The following FOXRED1 variants were observed in gnomAD, a reference collection of about 807,000 sequenced individuals.
FOXRED1 encodes the protein FAD dependent oxidoreductase domain containing 1, also known as FAD-dependent oxidoreductase domain-containing protein 1.
In FOXRED1, 52 loss-of-function variants were observed where a neutral mutation model predicts 57.8. That is an observed-to-expected ratio of 0.90 (90% CI 0.72 to 1.13). FOXRED1 has a LOEUF of 1.13. FOXRED1 is among the 50% of genes most tolerant of loss of function. FOXRED1 has a pLI of 0.00. For synonymous variants in FOXRED1, 271 were observed against 248.3 expected, an observed-to-expected ratio of 1.09 and a Z score of -0.86; for missense variants, 589 against 625.2, an observed-to-expected ratio of 0.94 and a Z score of 0.62.
In FOXRED1 at chr11:126,273,142, C is replaced by A; in HGVS notation, c.417+63C>A. The A allele has an allele frequency of 9.4e-7, 1 of 1,068,658 alleles. No individual in the cohort carries two copies. Among genetic ancestry groups the A allele is most frequent in the Non-Finnish European group, 1.5e-6 (1 of 681,568 alleles). 66.2% of individuals were successfully genotyped at this position (1,068,658 alleles called of 1,614,324 possible). A position where few individuals can be genotyped will look rare whatever the true frequency, so the allele number is the denominator to read the frequency against. On this transcript the variant is annotated intron_variant, in intron 3 of 10. Coordinates refer to ENST00000263578, the MANE Select transcript of FOXRED1 (RefSeq NM_017547.4). This position sits in a 1 kb window ranked among gnomAD's most constrained non-coding sequence, Gnocchi z 5.9. Reference sequence around the variant, plus strand: ...CCCTCCTTTAGCCCAGAGTGGGGAGCAGCCCAGCTAGCAAGGTAGCCAGAG... The same window carrying A: ...CCCTCCTTTAGCCCAGAGTGGGGAGAAGCCCAGCTAGCAAGGTAGCCAGAG...
rs191466930 is a variant in FOXRED1 at position 126,274,456 on chromosome 11, C to T, written c.537-471C>T. On this transcript the variant is annotated intron_variant, in intron 4 of 10. Transcript: ENST00000263578. The surrounding 1 kb of genome is among the most constrained non-coding windows in gnomAD (Gnocchi z 4.8). ...CTGAGGTCAGGAGTTCGAGACCAGC[C>T]TGGCCAACTGGTGAAACCTCATCTC... 2.0e-3 allele frequency: 419 copies of T among 212,122 alleles called. No individual in the cohort carries two copies. Among genetic ancestry groups the T allele is most frequent in the East Asian group, 2.4e-3 (22 of 9,000 alleles). The allele number at this position is 212,122 out of a possible 1,614,324, so 13.1% of individuals were successfully genotyped here. A position where few individuals can be genotyped will look rare whatever the true frequency, so the allele number is the denominator to read the frequency against.
chr11:126,271,827 T>G lies in FOXRED1; in HGVS notation c.306+170T>G. The G allele has an allele frequency of 1.5e-6, 1 of 661,956 alleles. No individual in the cohort carries two copies. The highest frequency in any genetic ancestry group is 2.7e-6 in the Non-Finnish European group (1 of 364,966). The allele number at this position is 661,956 out of a possible 1,614,324, so 41.0% of individuals were successfully genotyped here. On this transcript the variant is annotated intron_variant, in intron 2 of 10. Coordinates refer to ENST00000263578, the MANE Select transcript of FOXRED1 (RefSeq NM_017547.4). The surrounding 1 kb of genome is among the most constrained non-coding windows in gnomAD (Gnocchi z 5.3). ...TTGAGAAATTTTCCTAGGATCTTCC[T>G]CAGTCGAACCAGGAAGCTTGGCAAT... is the stretch of plus-strand genomic sequence containing the variant.
chr11:126,272,888 T>C lies in FOXRED1; in HGVS notation c.307-81T>C. On this transcript the variant is annotated intron_variant, in intron 2 of 10. Transcript: ENST00000263578. The surrounding 1 kb of genome is among the most constrained non-coding windows in gnomAD (Gnocchi z 4.6). ...GGACTCCCCTTCAACTTTAGGTGTA[T>C]AGCTCGAAGCTTTCATTGCAGTATT... 1.2e-6 allele frequency: 1 copy of C among 801,132 alleles called. No individual in the cohort carries two copies. Among genetic ancestry groups the C allele is most frequent in the Non-Finnish European group, 2.3e-6 (1 of 440,550 alleles). The allele number at this position is 801,132 out of a possible 1,614,324, so 49.6% of individuals were successfully genotyped here.
Position 126,277,245 on chromosome 11 carries a change from T to C in FOXRED1, c.1206+70T>C. ...ATGGGACAGATGACAGTGGAGCACA[T>C]TGGTCCCCTCGGACCCGTGACTGCC... is the stretch of plus-strand genomic sequence containing the variant. On this transcript the variant is annotated intron_variant, in intron 10 of 10. Transcript: ENST00000263578. The surrounding 1 kb of genome is among the most constrained non-coding windows in gnomAD (Gnocchi z 6.8). 2.4e-6 allele frequency: 3 copies of C among 1,231,028 alleles called. No homozygotes were observed. Among genetic ancestry groups the C allele is most frequent in the Non-Finnish European group, 3.6e-6 (3 of 832,928 alleles). The allele number at this position is 1,231,028 out of a possible 1,614,324, so 76.3% of individuals were successfully genotyped here.
chr11:126,272,271 C>A lies in FOXRED1; in HGVS notation c.306+614C>A, dbSNP rs1951012148. Among the ~76,000 whole-genome samples the A allele has an allele frequency of 1.3e-5, 2 of 151,532 alleles. No homozygotes were observed. Among genetic ancestry groups the A allele is most frequent in the Non-Finnish European group, 2.9e-5 (2 of 67,888 alleles). ...GCCACCATTCCCAGCCCTCAACTTG[C>A]TTCTTTTGGGTCCCGTTACTTCTGA... On this transcript the variant is annotated intron_variant, in intron 2 of 10. Transcript: ENST00000263578. This position sits in a 1 kb window ranked among gnomAD's most constrained non-coding sequence, Gnocchi z 4.6.
At chr11:126,276,891 G>C in intron 9 of FOXRED1, 180 bp from the exon 10 acceptor site, 1 of 568,144 alleles carries the variant, frequency 1.8e-6, no homozygotes, top group South Asian at 1.9e-5. Flanking sequence ...AAAAAAAAAA[G>C]AAAAAGAATC....
chr11:126,273,105 TG>T lies in FOXRED1; in HGVS notation c.417+30del. The T allele has an allele frequency of 7.5e-7, 1 of 1,326,420 alleles. No homozygotes were observed. The highest frequency in any genetic ancestry group is 1.1e-6 in the Non-Finnish European group (1 of 917,174). The allele number at this position is 1,326,420 out of a possible 1,614,324, so 82.2% of individuals were successfully genotyped here. On this transcript the variant is annotated intron_variant, in intron 3 of 10. Coordinates refer to ENST00000263578, the MANE Select transcript of FOXRED1 (RefSeq NM_017547.4). This position sits in a 1 kb window ranked among gnomAD's most constrained non-coding sequence, Gnocchi z 5.9. ...GTAGGTGCAATGATATCCGGGATGT[TG>T]GGGTGGTTACCCCTCCTTTAGCCCA... is the stretch of plus-strand genomic sequence containing the variant.
In FOXRED1 at chr11:126,271,556, G is replaced by A. The variant is rs200432010; in HGVS notation, c.205G>A (p.Val69Met). ...TCCCGAGCACTCGGATGTGGTGATC[G>A]TGGGAGGTGGGGTGCTTGGCTTGTC... ...LPPEHSDVVIVGGGVLGLSVA... is the reference protein window; with the variant it reads ...LPPEHSDVVIMGGGVLGLSVA... Residue 69 changes from valine (V) to methionine (M), a missense_variant, in exon 2 of 11, where the codon GTG becomes ATG. Physicochemically the swap from Val to Met is conservative, Grantham distance 21 (BLOSUM62 1). Transcript: ENST00000263578. The surrounding 1 kb of genome is among the most constrained non-coding windows in gnomAD (Gnocchi z 5.3). 8.4e-5 allele frequency: 136 copies of A among 1,614,104 alleles called. No homozygotes were observed. The highest frequency in any genetic ancestry group is 3.3e-5 in the Non-Finnish European group (39 of 1,180,054).
In FOXRED1 at chr11:126,272,340, C is replaced by A; in HGVS notation, c.307-629C>A. ...GTATTTATTTATTTCGAGACAGGGTCTCGCTCTGTTGCCCAGGCTGGAGTA... is the reference window on the plus strand; with the variant it reads ...GTATTTATTTATTTCGAGACAGGGTATCGCTCTGTTGCCCAGGCTGGAGTA... On this transcript the variant is annotated intron_variant, in intron 2 of 10. Transcript: ENST00000263578. This position sits in a 1 kb window ranked among gnomAD's most constrained non-coding sequence, Gnocchi z 4.6. 5.9e-6 allele frequency: 1 copy of A among 169,102 alleles called. No individual in the cohort carries two copies. The highest frequency in any genetic ancestry group is 1.3e-5 in the Non-Finnish European group (1 of 77,944). 10.5% of individuals were successfully genotyped at this position (169,102 alleles called of 1,614,324 possible).
In FOXRED1 at chr11:126,271,424, C is replaced by G; in HGVS notation, c.86-13C>G. On this transcript the variant is annotated splice_polypyrimidine_tract_variant and intron_variant, in intron 1 of 10. Coordinates refer to ENST00000263578, the MANE Select transcript of FOXRED1 (RefSeq NM_017547.4). This position sits in a 1 kb window ranked among gnomAD's most constrained non-coding sequence, Gnocchi z 5.3. The stretch of plus-strand genomic sequence containing the variant: ...GAAATGTTTGGCCCTCTGACCCTAA[C>G]TACATCCCACAGACTGGGATGGAAA... The G allele has an allele frequency of 6.3e-7, 1 of 1,595,390 alleles. No individual in the cohort carries two copies. Among genetic ancestry groups the G allele is most frequent in the Non-Finnish European group, 8.6e-7 (1 of 1,162,924 alleles).
intron 1 of FOXRED1, among the ~76,000 whole-genome samples, chr11:126,270,193 T>C (rs546084339): frequency 6.6e-6 from 1 of 152,280 alleles, no homozygotes; most frequent in African/African-American, 2.4e-5. Context: ...TGCAAGGAAC[T>C]GGCAAAAGCC....
chr11:126,275,656 T>C lies in FOXRED1; in HGVS notation c.734-138T>C, dbSNP rs1951108530. Reference sequence around the variant, plus strand: ...AGAGTGTGGCCAAGCTCATGCCAGCTCCCTCATCTCTGTTTGCTTCAGTGT... The same window carrying C: ...AGAGTGTGGCCAAGCTCATGCCAGCCCCCTCATCTCTGTTTGCTTCAGTGT... On this transcript the variant is annotated intron_variant, in intron 6 of 10. Coordinates refer to ENST00000263578, the MANE Select transcript of FOXRED1 (RefSeq NM_017547.4). The surrounding 1 kb of genome is among the most constrained non-coding windows in gnomAD (Gnocchi z 5.9). 4.1e-6 allele frequency: 3 copies of C among 739,044 alleles called. No homozygotes were observed. Among genetic ancestry groups the C allele is most frequent in the Admixed American group, 4.0e-5 (2 of 49,820 alleles). 45.8% of individuals were successfully genotyped at this position (739,044 alleles called of 1,614,324 possible). A position where few individuals can be genotyped will look rare whatever the true frequency, so the allele number is the denominator to read the frequency against.
In FOXRED1 at chr11:126,276,229, C is replaced by G. The variant is rs541052622; in HGVS notation, c.971+10C>G. ...TGGAGCCGAGGAAAAGGTAACTGCC[C>G]TCCGGACAGCTGAGGAGGTTGGTGA... On this transcript the variant is annotated intron_variant, in intron 8 of 10. Transcript: ENST00000263578. The G allele has an allele frequency of 3.7e-6, 5 of 1,341,926 alleles. No individual in the cohort carries two copies. The highest frequency in any genetic ancestry group is 4.0e-4 in the Middle Eastern group (2 of 4,966). 83.1% of individuals were successfully genotyped at this position (1,341,926 alleles called of 1,614,324 possible).
At chr11:126,269,519 A>G (rs1950914826) in intron 1 of FOXRED1, 1 of 748,074 alleles carries the variant, frequency 1.3e-6, no homozygotes, top group Non-Finnish European at 2.3e-6. Flanking sequence ...TTAAGCTTAC[A>G]GTCAGACTGA....
Position 126,272,871 on chromosome 11 carries a change from C to A in FOXRED1, c.307-98C>A, listed in dbSNP as rs1312454680. On this transcript the variant is annotated intron_variant, in intron 2 of 10. Coordinates refer to ENST00000263578, the MANE Select transcript of FOXRED1 (RefSeq NM_017547.4). This position sits in a 1 kb window ranked among gnomAD's most constrained non-coding sequence, Gnocchi z 4.6. Reference sequence around the variant, plus strand: ...TTATAGACTTGCAAATAGGACTCCCCTTCAACTTTAGGTGTATAGCTCGAA... The same window carrying A: ...TTATAGACTTGCAAATAGGACTCCCATTCAACTTTAGGTGTATAGCTCGAA... The A allele has an allele frequency of 2.6e-6, 2 of 765,780 alleles. No homozygotes were observed. Among genetic ancestry groups the A allele is most frequent in the Non-Finnish European group, 4.8e-6 (2 of 415,790 alleles). 47.4% of individuals were successfully genotyped at this position (765,780 alleles called of 1,614,324 possible). A position where few individuals can be genotyped will look rare whatever the true frequency, so the allele number is the denominator to read the frequency against.
chr11:126,269,461 C>T, intron 1 of FOXRED1, 170 bp downstream of exon 1: 1 of 1,318,890 alleles, frequency 7.6e-7, no homozygotes, highest in Non-Finnish European at 1.1e-6. Context: ...AGGTGTATGG[C>T]TCCCAAGGCG....
Position 126,271,901 on chromosome 11 carries a change from A to G in FOXRED1, c.306+244A>G. The G allele has an allele frequency of 2.0e-6, 1 of 501,320 alleles. No homozygotes were observed. The highest frequency in any genetic ancestry group is 3.7e-6 in the Non-Finnish European group (1 of 273,218). The allele number at this position is 501,320 out of a possible 1,614,324, so 31.1% of individuals were successfully genotyped here. On this transcript the variant is annotated intron_variant, in intron 2 of 10. Coordinates refer to ENST00000263578, the MANE Select transcript of FOXRED1 (RefSeq NM_017547.4). This position sits in a 1 kb window ranked among gnomAD's most constrained non-coding sequence, Gnocchi z 5.3. ...ATATCACCATATTGGATTTTTCGAG[A>G]TCTCATAGCTCTGGTCATGAGAGCC... is the stretch of plus-strand genomic sequence containing the variant.
chr11:126,274,453 A>G lies in FOXRED1; in HGVS notation c.537-474A>G. 1 of 214,846 alleles carries G rather than the reference A, an allele frequency of 4.7e-6. No homozygotes were observed. The highest frequency in any genetic ancestry group is 7.0e-5 in the South Asian group (1 of 14,226). The allele number at this position is 214,846 out of a possible 1,614,324, so 13.3% of individuals were successfully genotyped here. ...CACCTGAGGTCAGGAGTTCGAGACC[A>G]GCCTGGCCAACTGGTGAAACCTCAT... On this transcript the variant is annotated intron_variant, in intron 4 of 10. Transcript: ENST00000263578. This position sits in a 1 kb window ranked among gnomAD's most constrained non-coding sequence, Gnocchi z 4.8.
At position 126,277,727 on chromosome 11, in the gene FOXRED1, C is replaced by T. The variant is rs1300471435; in HGVS notation, c.*38C>T. ...TGCACTGGCTCCACTGGCTTGCATC[C>T]TGGCTGTGTTCACAGCCTTGTTTGC... On this transcript the variant is annotated 3_prime_UTR_variant, in exon 11 of 11. Coordinates refer to ENST00000263578, the MANE Select transcript of FOXRED1 (RefSeq NM_017547.4). The surrounding 1 kb of genome is among the most constrained non-coding windows in gnomAD (Gnocchi z 6.8). The T allele has an allele frequency of 1.9e-6, 3 of 1,609,974 alleles. No individual in the cohort carries two copies. The highest frequency in any genetic ancestry group is 1.7e-6 in the Non-Finnish European group (2 of 1,177,400).
Sources: allele counts gnomAD v4.1 joint callset (sites outside exome capture counted in the v4.1 genomes callset), GRCh38; gene constraint gnomAD v4.1.1; non-coding constraint Gnocchi (gnomAD v3.1); transcripts MANE v1.5; gene names NCBI Gene and HGNC (gene_info 2026-07-23, HGNC 2026-07-21).